Variants in FGD5 observed in about 807,000 individuals in gnomAD.
FGD5 encodes FYVE, RhoGEF and PH domain containing 5.
A neutral mutation model predicts 133.4 loss-of-function variants in FGD5; 28 were observed. The observed-to-expected ratio is 0.21, with a 90% CI of 0.16 to 0.29. The LOEUF (loss-of-function observed/expected upper bound fraction) is 0.29. Ranked by LOEUF, FGD5 falls within the 10% of genes least tolerant of loss-of-function variation. The pLI, the probability that FGD5 is intolerant of heterozygous loss-of-function variation, is 1.00. For synonymous variants in FGD5, 810 were observed against 776.5 expected (o/e 1.04, Z -0.72); for missense variants, 1,858 against 1,895.2 (o/e 0.98, Z 0.36).
intron 9 of FGD5, among the ~76,000 whole-genome samples, chr3:14,904,582 T>A (rs2038304794): frequency 6.6e-6 from 1 of 152,112 alleles, no homozygotes; most frequent in Non-Finnish European, 1.5e-5. Flanking sequence ...ACTCACCTTG[T>A]GTATTTCCTG....
intron 1 of FGD5, among the ~76,000 whole-genome samples, chr3:14,822,081 A>G (rs1369275911): frequency 6.6e-6 from 1 of 152,080 alleles, no homozygotes; most frequent in Non-Finnish European, 1.5e-5. Context: ...ACCTGGCAAT[A>G]GAGCGAGACT....
chr3:14,826,935 C>G (rs1330516751), intron 1 of FGD5, among the ~76,000 whole-genome samples: 2 of 152,132 alleles, frequency 1.3e-5, no homozygotes, highest in African/African-American at 2.4e-5. Flanking sequence ...GGGCTGCAGG[C>G]AACATCTGAG....
At chr3:14,867,157 T>A (rs2037511213) in intron 2 of FGD5, among the ~76,000 whole-genome samples, 1 of 152,230 alleles carries the variant, frequency 6.6e-6, no homozygotes, top group Non-Finnish European at 1.5e-5. Context: ...GAAAGTCCCC[T>A]CGAACTCTCA....
chr3:14,829,971 G>A (rs1247248555), intron 1 of FGD5, among the ~76,000 whole-genome samples: 1 of 152,216 alleles, frequency 6.6e-6, no homozygotes, highest in African/African-American at 2.4e-5. Flanking sequence ...AAACCAAGGT[G>A]ATTTACAGCC....
Position 14,819,996 on chromosome 3 carries a change from G to C in FGD5, c.925G>C (p.Ala309Pro), listed in dbSNP as rs369304107. ...HEKKTNQEVA[A>P]ATLEDHAQDE... The stretch of plus-strand genomic sequence containing the variant: ...GAAGAAAACCAACCAAGAAGTGGCA[G>C]CCGCCACCCTGGAGGACCATGCACA... Residue 309 changes from alanine (A) to proline (P), a missense_variant, in exon 1 of 20, where the codon GCC (alanine) becomes CCC (proline). Physicochemically the swap from Ala to Pro is conservative, Grantham distance 27. Around this residue, in one of 3 missense-constraint regions of FGD5, gnomAD observed 1,824 missense variants for 1,848.9 expected, o/e 0.99. Coordinates refer to ENST00000285046, the MANE Select transcript of FGD5 (RefSeq NM_152536.4). This position sits in a 1 kb window ranked among gnomAD's most constrained non-coding sequence, Gnocchi z 4.1. The C allele has an allele frequency of 1.2e-6, 2 of 1,613,942 alleles. No individual in the cohort carries two copies. The highest frequency in any genetic ancestry group is 1.6e-4 in the Middle Eastern group (1 of 6,062).
chr3:14,827,654 C>T (rs1176591096), intron 1 of FGD5, among the ~76,000 whole-genome samples: 2 of 152,058 alleles, frequency 1.3e-5, no homozygotes, highest in Non-Finnish European at 2.9e-5. Flanking sequence ...GTGGGTTTGT[C>T]GCTCTGTTGG....
intron 1 of FGD5, among the ~76,000 whole-genome samples, chr3:14,822,266 G>A (rs1233520305): frequency 6.6e-6 from 1 of 152,002 alleles, no homozygotes; most frequent in Non-Finnish European, 1.5e-5. Context: ...TTTGCTACTC[G>A]CCTCTGAGAC....
At chr3:14,904,717 C>A (rs2038306380) in intron 9 of FGD5, among the ~76,000 whole-genome samples, 1 of 152,204 alleles carries the variant, frequency 6.6e-6, no homozygotes, top group Admixed American at 6.5e-5. Flanking sequence ...TTCTTTTACA[C>A]CTCCTTAGCT....
chr3:14,854,475 G>T (rs1379480886), intron 1 of FGD5, among the ~76,000 whole-genome samples: 1 of 151,252 alleles, frequency 6.6e-6, no homozygotes, highest in Non-Finnish European at 1.5e-5. Flanking sequence ...GACTGCAGTG[G>T]CGTGATCATA....
At chr3:14,826,465 C>G (rs1220311531) in intron 1 of FGD5, among the ~76,000 whole-genome samples, 2 of 152,028 alleles carry the variant, frequency 1.3e-5, no homozygotes, top group Non-Finnish European at 2.9e-5. Flanking sequence ...TGGAGCCAAG[C>G]TGCCTGGGTA....
Position 14,897,620 on chromosome 3 carries a change from G to A in FGD5, c.2860G>A (p.Asp954Asn), listed in dbSNP as rs770107041. Residue 954 changes from aspartate (D) to asparagine (N), a missense_variant, in exon 5 of 20, where the codon GAC (aspartate) becomes AAC (asparagine). By Grantham distance (23) the Asp-to-Asn change is conservative. Coordinates refer to ENST00000285046, the MANE Select transcript of FGD5 (RefSeq NM_152536.4). ...QGLSELPAIHDLHQGILEELE... is the reference protein window; with the variant it reads ...QGLSELPAIHNLHQGILEELE... ...CCTGAGTGAACTCCCAGCCATCCAC[G>A]ACCTTCATCAAGGCATCCTGGAGGA... The A allele has an allele frequency of 6.2e-7, 1 of 1,606,866 alleles. No individual in the cohort carries two copies. The highest frequency in any genetic ancestry group is 8.5e-7 in the Non-Finnish European group (1 of 1,176,628).
Position 14,922,025 on chromosome 3 carries a change from G to C in FGD5, c.3669+8G>C, listed in dbSNP as rs2038691705. ...TTCCACCATAGCGTGGAGGTGAGTG[G>C]GTGGGCAGGGCCCACGGGCCACCAG... On this transcript the variant is annotated splice_region_variant and intron_variant, in intron 14 of 19. Coordinates refer to ENST00000285046, the MANE Select transcript of FGD5 (RefSeq NM_152536.4). This position sits in a 1 kb window ranked among gnomAD's most constrained non-coding sequence, Gnocchi z 4.1. The C allele has an allele frequency of 6.4e-7, 1 of 1,554,968 alleles. No homozygotes were observed. Among genetic ancestry groups the C allele is most frequent in the African/African-American group, 1.4e-5 (1 of 73,200 alleles).
intron 9 of FGD5, among the ~76,000 whole-genome samples, chr3:14,905,955 G>T (rs980393540): frequency 6.6e-6 from 1 of 151,974 alleles, no homozygotes; most frequent in Non-Finnish European, 1.5e-5. Context: ...GGCTGTTCAC[G>T]GTAGGGTACA....
intron 1 of FGD5, among the ~76,000 whole-genome samples, chr3:14,829,571 T>G (rs1030450656): frequency 6.6e-6 from 1 of 152,216 alleles, no homozygotes; most frequent in African/African-American, 2.4e-5. Flanking sequence ...GCATCTGCCT[T>G]TGCATTTCTC....
chr3:14,812,632 C>T lies in FGD5; in HGVS notation c.13+1767C>T, dbSNP rs138725763. 3.4e-3 allele frequency among the ~76,000 whole-genome samples: 513 copies of T among 152,250 alleles called. 3 individuals are homozygous for T. Among genetic ancestry groups the T allele is most frequent in the Non-Finnish European group, 3.6e-3 (248 of 68,022 alleles). On this transcript the variant is annotated intron_variant, in intron 1 of 1. Transcript: ENST00000640506. ...AATGATACCAGCCTCACATTCAGGCCGTGCCCCATGGTCTGAATTTCCTGA... is the reference window on the plus strand; with the variant it reads ...AATGATACCAGCCTCACATTCAGGCTGTGCCCCATGGTCTGAATTTCCTGA...
chr3:14,818,815 C>G, upstream of FGD5: 1 of 864,712 alleles, frequency 1.2e-6, no homozygotes, highest in Non-Finnish European at 1.6e-6. Flanking sequence ...GGGCATAAGC[C>G]TAAGACAAAG....
At chr3:14,882,351 C>A in intron 4 of FGD5, 1 of 985,086 alleles carries the variant, frequency 1.0e-6, no homozygotes, top group Non-Finnish European at 1.2e-6. Flanking sequence ...CATTGAAGCC[C>A]CTGGTAATCC....
Position 14,933,434 on chromosome 3 carries a change from C to A in FGD5, c.*267C>A. 1 of 445,656 alleles carries A rather than the reference C, an allele frequency of 2.2e-6. No homozygotes were observed. The highest frequency in any genetic ancestry group is 4.1e-6 in the Non-Finnish European group (1 of 246,744). The allele number at this position is 445,656 out of a possible 1,614,324, so 27.6% of individuals were successfully genotyped here. On this transcript the variant is annotated 3_prime_UTR_variant, in exon 20 of 20. Transcript: ENST00000285046. Reference sequence around the variant, plus strand: ...ACCCAGTAATAAACTATTTCCTTACCCCGCAGTGAGTTAAAATTTAGTAAG... The same window carrying A: ...ACCCAGTAATAAACTATTTCCTTACACCGCAGTGAGTTAAAATTTAGTAAG...
intron 11 of FGD5, among the ~76,000 whole-genome samples, chr3:14,916,433 A>C (rs892648499): frequency 6.6e-6 from 1 of 152,186 alleles, no homozygotes; most frequent in Non-Finnish European, 1.5e-5. Context: ...TTAGTTGTTC[A>C]TTCAACAAAT....
Sources: gnomAD v4.1 joint callset for allele counts (sites outside exome capture counted in the v4.1 genomes callset) on GRCh38, gnomAD v4.1.1 for gene constraint, gnomAD v4.1.1 regional missense constraint, Gnocchi (gnomAD v3.1) non-coding constraint, MANE v1.5 for transcripts, NCBI Gene and HGNC (gene_info 2026-07-23, HGNC 2026-07-21) for gene names.